The following TUSC3 variants were observed in gnomAD, a reference collection of about 807,000 sequenced individuals.
TUSC3 encodes the protein tumor suppressor candidate 3.
Under a neutral mutation model 44.8 loss-of-function variants are expected in TUSC3, and 45 were observed. That is an observed-to-expected ratio of 1.00 (90% confidence interval 0.79 to 1.29). TUSC3 has a LOEUF of 1.29. Among genes scored for constraint, TUSC3 ranks in the 50% most tolerant of loss-of-function variants. The pLI is 0.00. For missense variants in TUSC3, 519 were observed against 437.9 expected, an observed-to-expected ratio of 1.19 and a Z score of -1.65; for synonymous variants, 212 against 152.9, an observed-to-expected ratio of 1.39 and a Z score of -2.85.
chr8:15,529,161 T>G (rs1585077295), intron 2 of TUSC3, among the ~76,000 whole-genome samples: 1 of 152,322 alleles, frequency 6.6e-6, no homozygotes, highest in East Asian at 1.9e-4. Flanking sequence ...CAAACACAAG[T>G]TCTAAAATGC....
chr8:15,785,936 A>G, the TUSC3 span, among the ~76,000 whole-genome samples: 1 of 152,208 alleles, frequency 6.6e-6, no homozygotes, highest in African/African-American at 2.4e-5. Context: ...AAGAATTTCC[A>G]ACACTATTAG....
intron 1 of TUSC3, among the ~76,000 whole-genome samples, chr8:15,549,942 C>T (rs74678971): frequency 0.031 from 4,771 of 151,578 alleles, 317 homozygotes; most frequent in East Asian, 0.23. Flanking sequence ...CTCCAAAAAC[C>T]GAGCTCCCCG....
At chr8:15,845,727 T>C in the TUSC3 span, among the ~76,000 whole-genome samples, 1 of 152,144 alleles carries the variant, frequency 6.6e-6, no homozygotes, top group Non-Finnish European at 1.5e-5. Flanking sequence ...GTGAACACAA[T>C]AGCCACAAGC....
chr8:15,746,947 ACTC>A lies in TUSC3; in HGVS notation c.938-1427_938-1425del, dbSNP rs1181776146. Among the ~76,000 whole-genome samples the A allele has an allele frequency of 2.6e-5, 4 of 151,984 alleles. No individual in the cohort carries two copies. The East Asian group carries it at 7.7e-4, about 29-fold the overall frequency. On this transcript the variant is annotated intron_variant, in intron 8 of 10. Coordinates refer to ENST00000503731, the MANE Select transcript of TUSC3 (RefSeq NM_006765.4). The stretch of plus-strand genomic sequence containing the variant: ...TTTTTTTATTTTATGATACTCACAG[ACTC>A]ATTTTTTGCTTTATTTTCTCCCAAT...
Position 15,603,677 on chromosome 8 carries a change from A to C in TUSC3, c.139-19403A>C, listed in dbSNP as rs1372920556. ...AGGTCTGATAGCCATTACAAGTTCA[A>C]AATGATGATGAACATGAACTGTGTC... On this transcript the variant is annotated intron_variant, in intron 1 of 10. Coordinates refer to ENST00000503731, the MANE Select transcript of TUSC3 (RefSeq NM_006765.4). Among the ~76,000 whole-genome samples the C allele has an allele frequency of 2.6e-5, 4 of 151,644 alleles. No homozygotes were observed. In the Admixed American group the frequency reaches 2.6e-4, roughly 10 times the overall value.
intron 1 of TUSC3, among the ~76,000 whole-genome samples, chr8:15,482,236 C>T (rs192846480): frequency 2.6e-5 from 4 of 152,152 alleles, no homozygotes. Flanking sequence ...ACCACAATTC[C>T]AGTTAAACTT....
intron 1 of TUSC3, among the ~76,000 whole-genome samples, chr8:15,546,423 G>T (rs1801865482): frequency 6.6e-6 from 1 of 151,870 alleles, no homozygotes; most frequent in South Asian, 2.1e-4. Context: ...TTGGGGAGTT[G>T]TACATGGACT....
intron 1 of TUSC3, among the ~76,000 whole-genome samples, chr8:15,444,884 G>A (rs1800071763): frequency 6.6e-6 from 1 of 152,172 alleles, no homozygotes; most frequent in Non-Finnish European, 1.5e-5. Context: ...TGGGAGAAAT[G>A]TCAAAGTCCC....
chr8:15,439,299 C>T (rs1799991647), intron 1 of TUSC3, among the ~76,000 whole-genome samples: 1 of 152,188 alleles, frequency 6.6e-6, no homozygotes, highest in South Asian at 2.1e-4. Flanking sequence ...GGCACAGTGG[C>T]TCATGCTTGT....
chr8:15,851,196 T>A, the TUSC3 span, among the ~76,000 whole-genome samples: 2 of 152,214 alleles, frequency 1.3e-5, no homozygotes, highest in East Asian at 3.9e-4. Context: ...GACCAAAGCC[T>A]TGTTATTTTT....
chr8:15,604,650 G>C (rs1804440630), intron 1 of TUSC3, among the ~76,000 whole-genome samples: 1 of 151,712 alleles, frequency 6.6e-6, no homozygotes, highest in Admixed American at 6.6e-5. Flanking sequence ...TTGTTTTCTA[G>C]TTAATGCCAA....
intron 3 of TUSC3, among the ~76,000 whole-genome samples, chr8:15,651,877 T>A (rs1284716643): frequency 6.6e-6 from 1 of 152,206 alleles, no homozygotes; most frequent in African/African-American, 2.4e-5. Context: ...ATTGTTGACA[T>A]CGAGAGCTTA....
At chr8:15,566,357 C>T (rs972263006) in intron 1 of TUSC3, among the ~76,000 whole-genome samples, 11 of 151,968 alleles carry the variant, frequency 7.2e-5, no homozygotes, top group Admixed American at 7.2e-4. Flanking sequence ...TAGTGGTTGG[C>T]GTTTTGAGGA....
At chr8:15,735,824 C>G (rs1045507759) in intron 7 of TUSC3, among the ~76,000 whole-genome samples, 10 of 152,048 alleles carry the variant, frequency 6.6e-5, no homozygotes, top group African/African-American at 9.7e-5. Context: ...CTCAGCCTCC[C>G]AAGTAGCTGG....
At chr8:15,795,833 G>C in the TUSC3 span, among the ~76,000 whole-genome samples, 2,674 of 152,242 alleles carry the variant, frequency 0.018, 80 homozygotes, top group African/African-American at 0.06. Context: ...ATTTTGGAGG[G>C]ACTGCATGAG....
At chr8:15,502,521 C>T (rs765577207) in intron 2 of TUSC3, among the ~76,000 whole-genome samples, 5 of 152,162 alleles carry the variant, frequency 3.3e-5, no homozygotes, top group South Asian at 4.1e-4. Context: ...GACGGAGTCT[C>T]GCTCTGTCGC....
chr8:15,534,307 A>T (rs1801492300), intron 2 of TUSC3, among the ~76,000 whole-genome samples: 1 of 152,172 alleles, frequency 6.6e-6, no homozygotes, highest in Non-Finnish European at 1.5e-5. Flanking sequence ...TTAGGTTTAT[A>T]CAAAACTAGG....
intron 2 of TUSC3, among the ~76,000 whole-genome samples, chr8:15,511,461 ATGTAT>A (rs1469779909): frequency 6.6e-6 from 1 of 152,236 alleles, no homozygotes; most frequent in Non-Finnish European, 1.5e-5. Flanking sequence ...ATATACAAAA[ATGTAT>A]TGTATTTCTC....
chr8:15,795,769 C>T, the TUSC3 span, among the ~76,000 whole-genome samples: 19 of 152,192 alleles, frequency 1.2e-4, no homozygotes, highest in African/African-American at 2.2e-4. Context: ...GCTGCCCAAA[C>T]GGCTGGTAAG....
Sources: allele counts gnomAD v4.1 joint callset (sites outside exome capture counted in the v4.1 genomes callset), GRCh38; gene constraint gnomAD v4.1.1; transcripts MANE v1.5; gene names NCBI Gene and HGNC (gene_info 2026-07-23, HGNC 2026-07-21).